Variants in DZIP1 observed in about 807,000 individuals in gnomAD.
DZIP1 encodes DAZ interacting zinc finger protein 1.
DZIP1 carries 97 observed loss-of-function variants against 107.6 expected under a neutral mutation model. The observed-to-expected ratio is 0.90, with a 90% CI of 0.77 to 1.07. The LOEUF is 1.07. Ranked by LOEUF, DZIP1 falls within the 50% of genes least tolerant of loss-of-function variation. The pLI is 0.00. For missense variants in DZIP1, 1,035 were observed against 1,063.6 expected (o/e 0.97, Z 0.37); for synonymous variants, 390 against 386.4 (o/e 1.01, Z -0.11).
chr13:95,634,941 G>A (rs568372853), intron 5 of DZIP1, among the ~76,000 whole-genome samples: 1 of 152,194 alleles, frequency 6.6e-6, no homozygotes, highest in South Asian at 2.1e-4. Context: ...TCCCTATCCT[G>A]TAACTGATGG....
At chr13:95,632,998 C>G (rs548094416) in intron 6 of DZIP1, among the ~76,000 whole-genome samples, 2 of 152,238 alleles carry the variant, frequency 1.3e-5, no homozygotes, top group African/African-American at 4.8e-5. Flanking sequence ...CTCCTCAACC[C>G]CCTTTAGAAT....
intron 10 of DZIP1, among the ~76,000 whole-genome samples, chr13:95,616,841 A>G (rs1430253283): frequency 6.6e-6 from 1 of 152,118 alleles, no homozygotes; most frequent in Non-Finnish European, 1.5e-5. Context: ...AGCAGTCCCA[A>G]ATCTGTGGAC....
At chr13:95,606,524 CA>C (rs1336002645) in intron 13 of DZIP1, among the ~76,000 whole-genome samples, 2 of 152,196 alleles carry the variant, frequency 1.3e-5, no homozygotes, top group African/African-American at 4.8e-5. Context: ...GCTCACTTAG[CA>C]CAGTGTTATC....
At position 95,641,293 on chromosome 13, in the gene DZIP1, A is replaced by G. The variant is rs1254850553; in HGVS notation, c.597+2T>C. On this transcript the variant is annotated splice_donor_variant, in intron 5 of 22. Coordinates refer to ENST00000376829, the MANE Select transcript of DZIP1 (RefSeq NM_198968.4). LOFTEE classifies it high-confidence loss of function. The surrounding 1 kb of genome is among the most constrained non-coding windows in gnomAD (Gnocchi z 4.3). ...GAATCGTGCTCACACACAGCTGCCC[A>G]CCTGGTAATAGTTGGCTTTGGCCTC... 2 of 1,573,068 alleles carry G rather than the reference A, an allele frequency of 1.3e-6. No individual in the cohort carries two copies. Among genetic ancestry groups the G allele is most frequent in the Non-Finnish European group, 1.7e-6 (2 of 1,153,720 alleles).
chr13:95,638,648 C>T (rs1878111728), intron 5 of DZIP1, among the ~76,000 whole-genome samples: 1 of 151,790 alleles, frequency 6.6e-6, no homozygotes, highest in African/African-American at 2.4e-5. Context: ...CACACACACA[C>T]ACACACACAC....
At chr13:95,633,124 A>G in intron 6 of DZIP1, 110 bp downstream of exon 6, 1 of 981,368 alleles carries the variant, frequency 1.0e-6, no homozygotes, top group Non-Finnish European at 1.5e-6. Context: ...ATTGACAGGG[A>G]CCGTGATGCT....
intron 6 of DZIP1, chr13:95,630,861 A>T: frequency 1.6e-6 from 1 of 619,686 alleles, no homozygotes; most frequent in Non-Finnish European, 2.6e-6. Context: ...CTCTGAAACG[A>T]GTATGAGTTA....
chr13:95,583,160 C>T (rs1174570218), intron 22 of DZIP1, among the ~76,000 whole-genome samples: 1 of 151,766 alleles, frequency 6.6e-6, no homozygotes, highest in Admixed American at 6.6e-5. Context: ...GGTGCAGTGG[C>T]TGACACCTGT....
chr13:95,598,875 A>G (rs1161745125), intron 15 of DZIP1, among the ~76,000 whole-genome samples: 1 of 152,176 alleles, frequency 6.6e-6, no homozygotes, highest in African/African-American at 2.4e-5. Context: ...AAATTCCACC[A>G]TAAAAATACT....
Position 95,587,650 on chromosome 13 carries a change from C to T in DZIP1, c.2107G>A (p.Val703Met), listed in dbSNP as rs370788709. Residue 703 changes from valine (V) to methionine (M), a missense_variant, in exon 20 of 23, where the codon GTG becomes ATG. Val to Met is a conservative substitution (Grantham distance 21). Transcript: ENST00000376829. ...CTGCCCTTGTTTTGTGGTGGCGGCA[C>T]AGGAAGTGGGCCTGGGGATGCGTAT... ...RAYASPGPLP[V>M]PPPQNKGSFG... is the part of the protein sequence containing the mutation. The T allele has an allele frequency of 1.5e-5, 25 of 1,614,024 alleles. No homozygotes were observed. The highest frequency in any genetic ancestry group is 1.9e-5 in the Non-Finnish European group (23 of 1,180,032).
At chr13:95,594,882 A>T (rs2044402809) in intron 15 of DZIP1, among the ~76,000 whole-genome samples, 1 of 1,860 alleles carries the variant, frequency 5.4e-4, no homozygotes, top group South Asian at 0.013. Flanking sequence ...TCCCCACTTA[A>T]AAAAAAAAAG....
Position 95,606,053 on chromosome 13 carries a change from G to A in DZIP1, c.1427C>T (p.Ala476Val). The change falls in exon 14 of 23, where the codon GCC becomes GTC. Residue 476 changes from alanine to valine, a missense_variant. Ala to Val is a moderately conservative substitution (Grantham distance 64). Coordinates refer to ENST00000376829, the MANE Select transcript of DZIP1 (RefSeq NM_198968.4). ...QPAAPAVPMN[A>V]PALHTLETKS... ...AGTTTCCAAAGTGTGCAGGGCTGGG[G>A]CATTCACTGAAACAGCATAAAAAGG... is the stretch of plus-strand genomic sequence containing the variant. The A allele has an allele frequency of 6.2e-7, 1 of 1,613,676 alleles. No homozygotes were observed. Among genetic ancestry groups the A allele is most frequent in the Non-Finnish European group, 8.5e-7 (1 of 1,179,764 alleles).
At chr13:95,643,534 T>C (rs1878769666) in intron 2 of DZIP1, 67 bp downstream of exon 2, 1 of 152,586 alleles carries the variant, frequency 6.6e-6, no homozygotes, top group Non-Finnish European at 1.5e-5. Flanking sequence ...TGCTCCCTGA[T>C]CTAGAACAAA....
chr13:95,597,576 T>C (rs1348621176), intron 15 of DZIP1, among the ~76,000 whole-genome samples: 1 of 152,162 alleles, frequency 6.6e-6, no homozygotes, highest in Non-Finnish European at 1.5e-5. Context: ...GCTCAGAAGC[T>C]TAAACGCCTA....
At chr13:95,638,755 A>T (rs930702174) in intron 5 of DZIP1, among the ~76,000 whole-genome samples, 13 of 151,344 alleles carry the variant, frequency 8.6e-5, no homozygotes, top group Non-Finnish European at 1.6e-4. Flanking sequence ...GGCATCTTTA[A>T]TTTTTTTTTG....
chr13:95,626,260 G>C (rs1236566213), intron 7 of DZIP1, among the ~76,000 whole-genome samples: 2 of 152,124 alleles, frequency 1.3e-5, no homozygotes, highest in East Asian at 3.8e-4. Flanking sequence ...ATAAAGCAAA[G>C]AACAGGAAAG....
At chr13:95,607,195 C>T (rs959986899) in intron 13 of DZIP1, among the ~76,000 whole-genome samples, 8 of 152,028 alleles carry the variant, frequency 5.3e-5, no homozygotes, top group African/African-American at 1.7e-4. Context: ...TACAGGCATG[C>T]GGCACCATGC....
intron 22 of DZIP1, among the ~76,000 whole-genome samples, chr13:95,584,288 A>T (rs888737075): frequency 5.0e-5 from 4 of 79,412 alleles, no homozygotes; most frequent in African/African-American, 1.9e-4. Context: ...AAAAAAAAAA[A>T]AATAAAAGAA....
intron 5 of DZIP1, among the ~76,000 whole-genome samples, chr13:95,639,348 T>TGGGA (rs1446311438): frequency 6.6e-6 from 1 of 152,152 alleles, no homozygotes; most frequent in Non-Finnish European, 1.5e-5. Flanking sequence ...CCCAGCATTT[T>TGGGA]GGGAGGCTGA....
Sources: allele counts gnomAD v4.1 joint callset (sites outside exome capture counted in the v4.1 genomes callset), GRCh38; gene constraint gnomAD v4.1.1; non-coding constraint Gnocchi (gnomAD v3.1); transcripts MANE v1.5; gene names NCBI Gene and HGNC (gene_info 2026-07-23, HGNC 2026-07-21).